Variants in TAOK3 observed in about 807,000 individuals in gnomAD.
TAOK3 encodes serine/threonine-protein kinase TAO3.
A neutral mutation model predicts 120.4 loss-of-function variants in TAOK3; 40 were observed. That is an observed-to-expected ratio of 0.33 (90% CI 0.26 to 0.43). The LOEUF is 0.43. Among genes scored for constraint, TAOK3 ranks in the 20% least tolerant of loss-of-function variants. The pLI, the probability that TAOK3 is intolerant of heterozygous loss-of-function variation, is 1.00. For missense variants in TAOK3, 821 were observed against 1,112.1 expected (o/e 0.74, Z 3.72); for synonymous variants, 355 against 387.5 (o/e 0.92, Z 0.99).
At chr12:118,360,123 G>T (rs2045542120) in intron 1 of TAOK3, among the ~76,000 whole-genome samples, 1 of 151,760 alleles carries the variant, frequency 6.6e-6, no homozygotes, top group Admixed American at 6.6e-5. Flanking sequence ...AAAATGGCTG[G>T]GCGTGGTGGC....
chr12:118,232,726 C>G (rs547900729), intron 9 of TAOK3, among the ~76,000 whole-genome samples: 1 of 152,030 alleles, frequency 6.6e-6, no homozygotes, highest in African/African-American at 2.4e-5. Context: ...GCCAACACAG[C>G]AAAACCCTGT....
At chr12:118,369,204 TA>T (rs907113473) in intron 1 of TAOK3, among the ~76,000 whole-genome samples, 1 of 151,946 alleles carries the variant, frequency 6.6e-6, no homozygotes, top group African/African-American at 2.4e-5. Context: ...ATAAATTAAA[TA>T]AATAAATAAG....
intron 3 of TAOK3, among the ~76,000 whole-genome samples, chr12:118,253,751 CA>C (rs2140134791): frequency 1.1e-4 from 2 of 17,474 alleles, no homozygotes; most frequent in East Asian, 5.2e-3. Flanking sequence ...AACAAACAAA[CA>C]AACAAAAAAA....
intron 11 of TAOK3, among the ~76,000 whole-genome samples, chr12:118,205,928 C>CTCTTTTT (rs1555221438): frequency 7.0e-6 from 1 of 142,306 alleles, no homozygotes; most frequent in Non-Finnish European, 1.5e-5. Flanking sequence ...CTCTCTCTCT[C>CTCTTTTT]TTTTTTTTTT....
At chr12:118,223,062 C>CTTTTTTTTTT (rs75334511) in intron 9 of TAOK3, among the ~76,000 whole-genome samples, 20 of 120,096 alleles carry the variant, frequency 1.7e-4, no homozygotes, top group African/African-American at 4.2e-4. Context: ...TTCTTTCTTT[C>CTTTTTTTTTT]TTTTTTTTTT....
At chr12:118,305,317 C>A (rs2043011531) in intron 1 of TAOK3, among the ~76,000 whole-genome samples, 1 of 151,958 alleles carries the variant, frequency 6.6e-6, no homozygotes, top group Admixed American at 6.6e-5. Flanking sequence ...CCTGTCTCTA[C>A]TAAAAATACA....
intron 17 of TAOK3, among the ~76,000 whole-genome samples, chr12:118,163,316 C>T (rs2098557836): frequency 6.6e-6 from 1 of 152,128 alleles, no homozygotes; most frequent in Non-Finnish European, 1.5e-5. Context: ...TGTATTACTG[C>T]TATTCGATTT....
chr12:118,361,332 T>C (rs2045590868), intron 1 of TAOK3, among the ~76,000 whole-genome samples: 1 of 152,158 alleles, frequency 6.6e-6, no homozygotes, highest in Non-Finnish European at 1.5e-5. Flanking sequence ...TGGCTTTCAT[T>C]TGTATTCAAT....
intron 15 of TAOK3, among the ~76,000 whole-genome samples, 163 bp downstream of exon 15, chr12:118,181,208 C>T (rs1015043829): frequency 5.9e-5 from 9 of 152,198 alleles, no homozygotes; most frequent in East Asian, 1.9e-4. Flanking sequence ...TAGCTCTGAA[C>T]GACAATTTTA....
At chr12:118,347,227 A>G (rs1182179332) in intron 1 of TAOK3, among the ~76,000 whole-genome samples, 1 of 152,154 alleles carries the variant, frequency 6.6e-6, no homozygotes, top group Non-Finnish European at 1.5e-5. Context: ...TGCCCAGGCT[A>G]GGCTTGAACT....
Position 118,239,242 on chromosome 12 carries a change from A to C in TAOK3, c.325T>G (p.Ser109Ala). 1 of 1,544,748 alleles carries C rather than the reference A, an allele frequency of 6.5e-7. No homozygotes were observed. Among genetic ancestry groups the C allele is most frequent in the Non-Finnish European group, 8.9e-7 (1 of 1,117,814 alleles). The change falls in exon 6 of 21, where the codon TCT becomes GCT. Residue 109 changes from serine (S) to alanine (A), a missense_variant. Physicochemically the swap from Ser to Ala is moderately conservative, Grantham distance 99. This residue lies in a region of TAOK3 where 467 missense variants were observed against 540.0 expected (regional missense o/e 0.86). Coordinates refer to ENST00000392533, the MANE Select transcript of TAOK3 (RefSeq NM_016281.4). Reference sequence around the variant, plus strand: ...TCTTTCTTACCTTCTAATAAATCAGAGGCTGAGCCTAAGCAATATTCCATC... The same window carrying C: ...TCTTTCTTACCTTCTAATAAATCAGCGGCTGAGCCTAAGCAATATTCCATC... ...LVMEYCLGSA[S>A]DLLEVHKKPL...
intron 17 of TAOK3, among the ~76,000 whole-genome samples, chr12:118,166,131 T>C (rs948112756): frequency 6.6e-6 from 1 of 152,240 alleles, no homozygotes; most frequent in Non-Finnish European, 1.5e-5. Flanking sequence ...CTTTTATATG[T>C]GTTAGTAGGC....
At chr12:118,191,426 C>G (rs1217800443) in intron 13 of TAOK3, among the ~76,000 whole-genome samples, 1 of 152,174 alleles carries the variant, frequency 6.6e-6, no homozygotes, top group Non-Finnish European at 1.5e-5. Flanking sequence ...AAGATAGTGA[C>G]CAGCCACATA....
chr12:118,229,114 G>T (rs643270), intron 9 of TAOK3, among the ~76,000 whole-genome samples: 85,138 of 148,926 alleles, frequency 0.57, 24,176 homozygotes, highest in South Asian at 0.66. Flanking sequence ...TTTTTTTTTT[G>T]GGGGGGACAG....
chr12:118,297,926 C>T (rs375400962), intron 1 of TAOK3, among the ~76,000 whole-genome samples: 6 of 152,076 alleles, frequency 3.9e-5, no homozygotes, highest in African/African-American at 7.2e-5. Context: ...ACTATAAGCA[C>T]GCACCACCAC....
chr12:118,290,792 T>C (rs2042441852), intron 1 of TAOK3, among the ~76,000 whole-genome samples: 1 of 151,558 alleles, frequency 6.6e-6, no homozygotes, highest in Admixed American at 6.6e-5. Context: ...AGGAATCCTA[T>C]TTATATCGCC....
chr12:118,212,555 C>T (rs1444317638), intron 11 of TAOK3, among the ~76,000 whole-genome samples: 4 of 152,142 alleles, frequency 2.6e-5, no homozygotes, highest in Non-Finnish European at 5.9e-5. Context: ...TTTGAACCAC[C>T]AGCCAGCTCT....
intron 1 of TAOK3, among the ~76,000 whole-genome samples, chr12:118,368,836 G>GA (rs544690573): frequency 0.11 from 15,525 of 135,778 alleles, 1,066 homozygotes; most frequent in Middle Eastern, 0.18. Flanking sequence ...AAAGTAAAAT[G>GA]AAAAAAAAAA....
At chr12:118,347,757 C>G (rs1593644342) in intron 1 of TAOK3, among the ~76,000 whole-genome samples, 1 of 152,194 alleles carries the variant, frequency 6.6e-6, no homozygotes, top group Non-Finnish European at 1.5e-5. Context: ...TCTTTTAGCT[C>G]TCTATGCCAA....
Sources: gnomAD v4.1 joint callset for allele counts (sites outside exome capture counted in the v4.1 genomes callset) on GRCh38, gnomAD v4.1.1 for gene constraint, gnomAD v4.1.1 regional missense constraint, MANE v1.5 for transcripts, NCBI Gene and HGNC (gene_info 2026-07-23, HGNC 2026-07-21) for gene names.